Variants in MCM9 observed in about 807,000 individuals in gnomAD.
MCM9 encodes minichromosome maintenance 9 homologous recombination repair factor, also known as DNA helicase MCM9.
A neutral mutation model predicts 72.8 loss-of-function variants in MCM9; 55 were observed. That is an observed-to-expected ratio of 0.76 (90% CI 0.61 to 0.95). The LOEUF is 0.95. MCM9 is among the 40% of genes least tolerant of loss of function. The pLI is 0.00. For synonymous variants in MCM9, 480 were observed against 503.4 expected, an observed-to-expected ratio of 0.95 and a Z score of 0.62; for missense variants, 1,279 against 1,377.0, an observed-to-expected ratio of 0.93 and a Z score of 1.13.
intron 5 of MCM9, chr6:118,921,089 T>G (rs991704801): frequency 3.3e-5 from 5 of 152,184 alleles, no homozygotes; most frequent in African/African-American, 1.2e-4. Flanking sequence ...TCCAGAACAG[T>G]TCTGAGGCTC....
chr6:118,879,210 T>C (rs1292970517), intron 8 of MCM9, among the ~76,000 whole-genome samples: 2 of 149,730 alleles, frequency 1.3e-5, no homozygotes, highest in Admixed American at 1.3e-4. Flanking sequence ...ACAGATGAAC[T>C]ACTTCATGAA....
At chr6:118,892,827 A>T (rs1453069850) in intron 8 of MCM9, among the ~76,000 whole-genome samples, 1 of 152,198 alleles carries the variant, frequency 6.6e-6, no homozygotes, top group East Asian at 1.9e-4. Flanking sequence ...CGGTTTTCCT[A>T]AATGTACGAG....
At chr6:118,920,253 A>T (rs1781323878) in intron 5 of MCM9, 1 of 152,204 alleles carries the variant, frequency 6.6e-6, no homozygotes, top group Non-Finnish European at 1.5e-5. Context: ...TTAGCAGGCA[A>T]TCCATAATCA....
In MCM9 at chr6:118,924,098, C is replaced by T; in HGVS notation, c.334G>A (p.Glu112Lys). Residue 112 changes from glutamate (E) to lysine (K), a missense_variant, in exon 4 of 14, where the codon GAA becomes AAA. By Grantham distance (56) the Glu-to-Lys change is moderately conservative. Transcript: ENST00000619706. Reference sequence around the variant, plus strand: ...ACATCCTTGGTTTTAGGTATGTGTTCCCTCACCAGCTCAGGACAGACAGGC... The same window carrying T: ...ACATCCTTGGTTTTAGGTATGTGTTTCCTCACCAGCTCAGGACAGACAGGC... ...GLPVCPELVR[E>K]HIPKTKDVGH... is the part of the protein sequence containing the mutation. 2 of 1,614,016 alleles carry T rather than the reference C, an allele frequency of 1.2e-6. No individual in the cohort carries two copies. Among genetic ancestry groups the T allele is most frequent in the Non-Finnish European group, 1.7e-6 (2 of 1,180,008 alleles).
At chr6:118,865,950 C>A (rs766427721) in intron 8 of MCM9, among the ~76,000 whole-genome samples, 3 of 152,182 alleles carry the variant, frequency 2.0e-5, no homozygotes, top group Non-Finnish European at 2.9e-5. Context: ...TGCCATAGAT[C>A]CTCTACCTGG....
chr6:118,851,711 G>T (rs955905831), intron 9 of MCM9, among the ~76,000 whole-genome samples: 26 of 149,846 alleles, frequency 1.7e-4, no homozygotes, highest in African/African-American at 6.6e-4. Flanking sequence ...TACTGGTTGT[G>T]ATCCATGTCA....
At chr6:118,888,355 C>A (rs951867958) in intron 8 of MCM9, among the ~76,000 whole-genome samples, 1 of 151,986 alleles carries the variant, frequency 6.6e-6, no homozygotes, top group Non-Finnish European at 1.5e-5. Context: ...GGTGTGGTGG[C>A]GGGCGCCTGT....
chr6:118,816,949 C>T (rs1351680220), intron 13 of MCM9, among the ~76,000 whole-genome samples: 1 of 152,182 alleles, frequency 6.6e-6, no homozygotes, highest in Non-Finnish European at 1.5e-5. Context: ...AAAGCCCAGG[C>T]ATGTTTAAAC....
At chr6:118,905,728 A>C in intron 8 of MCM9, 1 of 1,613,526 alleles carries the variant, frequency 6.2e-7, no homozygotes, top group East Asian at 2.2e-5. Context: ...ACTTGTACCT[A>C]TCGAGGACAA....
At chr6:118,904,589 G>A (rs115368406) in intron 8 of MCM9, among the ~76,000 whole-genome samples, 1,596 of 152,256 alleles carry the variant, frequency 0.01, 30 homozygotes, top group African/African-American at 0.036. Flanking sequence ...CCTGCCCTTC[G>A]CTCATGCTCT....
chr6:118,922,157 C>A, intron 4 of MCM9, 71 bp from the exon 5 acceptor site: 1 of 1,083,056 alleles, frequency 9.2e-7, no homozygotes, highest in Non-Finnish European at 1.3e-6. Context: ...TCTAGCAGTA[C>A]TTGAAATTAC....
rs982094724 is a variant in MCM9 at position 118,827,972 on chromosome 6, G to A, written c.1687C>T (p.Arg563Trp). ...CTTTCCAACAGCCGAATGGTGGTCC[G>A]GGCAGCGTTCCGGCAATCACTCTGC... The part of the protein sequence containing the change: ...QRQSDCRNAA[R>W]TTIRLLESLI... Residue 563 changes from arginine (R) to tryptophan (W), a missense_variant, in exon 11 of 14, where the codon CGG (arginine) becomes TGG (tryptophan). Arg to Trp is a moderately radical substitution (Grantham distance 101). Coordinates refer to ENST00000619706, the MANE Select transcript of MCM9 (RefSeq NM_017696.3). 13 of 1,550,998 alleles carry A rather than the reference G, an allele frequency of 8.4e-6. No homozygotes were observed. The highest frequency in any genetic ancestry group is 5.9e-5 in the South Asian group (5 of 84,064).
At chr6:118,831,422 A>C (rs946160134) in intron 9 of MCM9, among the ~76,000 whole-genome samples, 6 of 151,888 alleles carry the variant, frequency 4.0e-5, no homozygotes, top group African/African-American at 1.5e-4. Context: ...GTCTGAGGTG[A>C]AGTCAGCAGA....
chr6:118,924,168 G>T, intron 3 of MCM9, 41 bp from the exon 4 acceptor site: 2 of 1,539,388 alleles, frequency 1.3e-6, no homozygotes, highest in Non-Finnish European at 1.8e-6. Context: ...CTTCAATCTT[G>T]AGATTTGACT....
intron 8 of MCM9, among the ~76,000 whole-genome samples, chr6:118,856,949 A>C (rs1776595586): frequency 6.6e-6 from 1 of 152,244 alleles, no homozygotes; most frequent in Non-Finnish European, 1.5e-5. Flanking sequence ...AGAGAAGGGC[A>C]TAAAGACTTT....
At position 118,935,103 on chromosome 6, in the gene MCM9, G is replaced by C. The variant is rs1354133920; in HGVS notation, c.-362C>G. ...GCGGCTCTGCCGGGCCTGCGCTCTC[G>C]ACCGACGCCGGGCCGCGCACCGCCT... On this transcript the variant is annotated 5_prime_UTR_variant, in exon 1 of 14. Transcript: ENST00000619706. The C allele has an allele frequency of 6.6e-6, 1 of 152,220 alleles. No homozygotes were observed. The highest frequency in any genetic ancestry group is 2.1e-4 in the South Asian group (1 of 4,830). The allele number at this position is 152,220 out of a possible 1,614,324, so 9.4% of individuals were successfully genotyped here. A position where few individuals can be genotyped will look rare whatever the true frequency, so the allele number is the denominator to read the frequency against.
intron 8 of MCM9, among the ~76,000 whole-genome samples, chr6:118,906,088 T>G (rs1780159908): frequency 6.6e-6 from 1 of 152,184 alleles, no homozygotes; most frequent in Non-Finnish European, 1.5e-5. Context: ...CTCTTTTTTT[T>G]CTGAGATGGT....
At chr6:118,880,715 CTT>C (rs1778232042) in intron 8 of MCM9, among the ~76,000 whole-genome samples, 1 of 152,174 alleles carries the variant, frequency 6.6e-6, no homozygotes, top group African/African-American at 2.4e-5. Flanking sequence ...TCCTTTCAAA[CTT>C]TGGGTTTTTA....
At chr6:118,908,651 T>C (rs1583629789) in intron 8 of MCM9, 1 of 152,242 alleles carries the variant, frequency 6.6e-6, no homozygotes, top group East Asian at 1.9e-4. Flanking sequence ...CTAGATAGCT[T>C]TTCCAACAAA....
Sources: allele counts gnomAD v4.1 joint callset (sites outside exome capture counted in the v4.1 genomes callset), GRCh38; gene constraint gnomAD v4.1.1; transcripts MANE v1.5; gene names NCBI Gene and HGNC (gene_info 2026-07-23, HGNC 2026-07-21).